The following XPOT variants were observed in gnomAD, a reference collection of about 807,000 sequenced individuals.
XPOT encodes exportin for tRNA, also known as exportin-T.
In XPOT, 34 loss-of-function variants were observed where a neutral mutation model predicts 128.2. The observed-to-expected ratio is 0.27, with a 90% CI of 0.20 to 0.35. The LOEUF is 0.35. Ranked by LOEUF, XPOT falls within the 10% of genes least tolerant of loss-of-function variation. The pLI is 1.00. For synonymous variants in XPOT, 348 were observed against 394.3 expected, an observed-to-expected ratio of 0.88 and a Z score of 1.39; for missense variants, 838 against 1,125.3, an observed-to-expected ratio of 0.74 and a Z score of 3.65.
At chr12:64,429,823 G>A (rs572110446) in intron 16 of XPOT, among the ~76,000 whole-genome samples, 2 of 152,210 alleles carry the variant, frequency 1.3e-5, no homozygotes, top group South Asian at 4.2e-4. Flanking sequence ...TATCTTACAT[G>A]ATCATTTATA....
chr12:64,414,870 T>C, intron 2 of XPOT, 37 bp from the exon 3 acceptor site: 1 of 1,318,852 alleles, frequency 7.6e-7, no homozygotes, highest in Non-Finnish European at 1.1e-6. Flanking sequence ...TGAGATTGTT[T>C]ATTCTAAATG....
chr12:64,426,394 C>T (rs2040193028), intron 15 of XPOT, among the ~76,000 whole-genome samples: 1 of 151,456 alleles, frequency 6.6e-6, no homozygotes, highest in South Asian at 2.1e-4. Flanking sequence ...TTTACAGCAA[C>T]ATGGATGCAG....
chr12:64,404,547 CGCTT>C lies in XPOT; in HGVS notation c.-313_-310del, dbSNP rs568580764. ...CCCTTCCTGGGGCGCCGACCCCGCC[CGCTT>C]GCTTGCTTGCTTGCTTGCCTGCCTG... On this transcript the variant is annotated 5_prime_UTR_variant, in exon 1 of 25. Coordinates refer to ENST00000332707, the MANE Select transcript of XPOT (RefSeq NM_007235.6). 3.2e-4 allele frequency: 50 copies of C among 154,456 alleles called. No homozygotes were observed. Among genetic ancestry groups the C allele is most frequent in the African/African-American group, 6.3e-4 (26 of 41,556 alleles). The allele number at this position is 154,456 out of a possible 1,614,324, so 9.6% of individuals were successfully genotyped here.
intron 22 of XPOT, among the ~76,000 whole-genome samples, chr12:64,437,125 G>A (rs966657518): frequency 7.9e-5 from 12 of 152,264 alleles, no homozygotes; most frequent in African/African-American, 2.9e-4. Flanking sequence ...GATTCTGATA[G>A]AGACTTGAAG....
rs377265811 is a variant in XPOT, at chr12:64,423,130, C to A, written c.1120-52C>A. Reference sequence around the variant, plus strand: ...AATGTAGCTTAATTTCAAATTATATCAAATTAGAAGGAGACTGACAAAAAC... The same window carrying A: ...AATGTAGCTTAATTTCAAATTATATAAAATTAGAAGGAGACTGACAAAAAC... On this transcript the variant is annotated intron_variant, in intron 10 of 24. Coordinates refer to ENST00000332707, the MANE Select transcript of XPOT (RefSeq NM_007235.6). 2.5e-6 allele frequency: 4 copies of A among 1,589,226 alleles called. No individual in the cohort carries two copies. In the African/African-American group the frequency reaches 5.4e-5, roughly 22 times the overall value.
At chr12:64,425,521 T>G in intron 14 of XPOT, 64 bp downstream of exon 14, 4 of 1,564,520 alleles carry the variant, frequency 2.6e-6, no homozygotes, top group Non-Finnish European at 3.5e-6. Context: ...AGTGTAGTAT[T>G]GTATTTTTCT....
At chr12:64,438,413 A>C (rs1214755832) in intron 22 of XPOT, among the ~76,000 whole-genome samples, 3 of 152,176 alleles carry the variant, frequency 2.0e-5, no homozygotes, top group Non-Finnish European at 4.4e-5. Flanking sequence ...GGTAGACATA[A>C]GAAAAAGATG....
chr12:64,435,033 G>A (rs757962360), intron 21 of XPOT, 124 bp downstream of exon 21: 1 of 785,670 alleles, frequency 1.3e-6, no homozygotes, highest in South Asian at 2.1e-5. Context: ...TTCAGATCAG[G>A]GTTCTTTTTT....
At position 64,419,087 on chromosome 12, in the gene XPOT, C is replaced by T. The variant is rs2040115138; in HGVS notation, c.482C>T (p.Thr161Ile). ...TTGGTGGATCGTGATGTGGTGCATA[C>T]ATCAGAGGCAAGTAACTAACCATGA... is the stretch of plus-strand genomic sequence containing the variant. ...SELVDRDVVHTSEEARRNTLI... is the reference protein window; with the variant it reads ...SELVDRDVVHISEEARRNTLI... The change falls in exon 6 of 25, where the codon ACA (threonine) becomes ATA (isoleucine). Residue 161 changes from threonine to isoleucine, a missense_variant. Thr to Ile is a moderately conservative substitution (Grantham distance 89). Around this residue, in one of 3 missense-constraint regions of XPOT, gnomAD observed 761 missense variants for 988.3 expected, o/e 0.77. Coordinates refer to ENST00000332707, the MANE Select transcript of XPOT (RefSeq NM_007235.6). The T allele has an allele frequency of 1.2e-6, 2 of 1,611,974 alleles. No individual in the cohort carries two copies. Among genetic ancestry groups the T allele is most frequent in the Non-Finnish European group, 1.7e-6 (2 of 1,179,142 alleles).
intron 7 of XPOT, 41 bp from the exon 8 acceptor site, chr12:64,420,312 A>G: frequency 1.9e-6 from 3 of 1,601,440 alleles, no homozygotes; most frequent in Non-Finnish European, 2.6e-6. Flanking sequence ...TCTAAAACTC[A>G]TGACTTTGAA....
At chr12:64,421,886 C>T (rs962706906) in intron 9 of XPOT, among the ~76,000 whole-genome samples, 1 of 152,056 alleles carries the variant, frequency 6.6e-6, no homozygotes, top group East Asian at 1.9e-4. Context: ...GATGTCAGCT[C>T]ACCACAACCT....
At chr12:64,422,645 T>A (rs1337332707) in intron 9 of XPOT, among the ~76,000 whole-genome samples, 4 of 152,168 alleles carry the variant, frequency 2.6e-5, no homozygotes, top group Non-Finnish European at 4.4e-5. Flanking sequence ...TCACCTGTAA[T>A]CCCAGCACTT....
At chr12:64,412,591 A>G (rs543719928) in intron 2 of XPOT, among the ~76,000 whole-genome samples, 121 of 152,190 alleles carry the variant, frequency 8.0e-4, no homozygotes, top group Non-Finnish European at 1.4e-3. Flanking sequence ...CTGTGTTCTT[A>G]TAGTCTTAAC....
chr12:64,421,210 A>C, intron 8 of XPOT, 25 bp from the exon 9 acceptor site: 1 of 1,563,664 alleles, frequency 6.4e-7, no homozygotes, highest in Non-Finnish European at 8.8e-7. Context: ...AGTTTTAAAC[A>C]GAGATGTGTC....
Position 64,450,475 on chromosome 12 carries a change from G to A in XPOT, c.*2344G>A, listed in dbSNP as rs546584155. On this transcript the variant is annotated 3_prime_UTR_variant, in exon 25 of 25. Coordinates refer to ENST00000332707, the MANE Select transcript of XPOT (RefSeq NM_007235.6). Reference sequence around the variant, plus strand: ...ATGCTATCAATTCCATATATGGAAAGGTGTTTTCCCTTTCAGAGCTCTTTA... The same window carrying A: ...ATGCTATCAATTCCATATATGGAAAAGTGTTTTCCCTTTCAGAGCTCTTTA... 2 of 152,272 alleles carry A rather than the reference G, an allele frequency of 1.3e-5. No homozygotes were observed. The highest frequency in any genetic ancestry group is 3.9e-4 in the East Asian group (2 of 5,184). The allele number at this position is 152,272 out of a possible 1,614,324, so 9.4% of individuals were successfully genotyped here.
chr12:64,447,368 T>C (rs904853004), intron 24 of XPOT, among the ~76,000 whole-genome samples: 7 of 152,384 alleles, frequency 4.6e-5, no homozygotes, highest in African/African-American at 1.7e-4. Flanking sequence ...CCAACTCCTT[T>C]GTAGTCTCAA....
chr12:64,444,965 C>G, intron 23 of XPOT, 110 bp from the exon 24 acceptor site: 1 of 728,524 alleles, frequency 1.4e-6, no homozygotes, highest in Non-Finnish European at 2.1e-6. Flanking sequence ...AGAGCAAGAC[C>G]ATCTCTTAAA....
intron 9 of XPOT, 100 bp from the exon 10 acceptor site, chr12:64,422,902 CAAA>C (rs201490602): frequency 3.0e-3 from 2,566 of 864,262 alleles, no homozygotes; most frequent in South Asian, 3.9e-3. Context: ...GACCTTGTCT[CAAA>C]AAAAAAAAAA....
At chr12:64,433,146 A>G (rs112102035) in intron 18 of XPOT, among the ~76,000 whole-genome samples, 23 of 152,262 alleles carry the variant, frequency 1.5e-4, no homozygotes, top group African/African-American at 5.3e-4. Context: ...GGGTTTCACC[A>G]TGTTGGGCAG....
Sources: allele counts gnomAD v4.1 joint callset (sites outside exome capture counted in the v4.1 genomes callset), GRCh38; gene constraint gnomAD v4.1.1; regional missense constraint gnomAD v4.1.1; transcripts MANE v1.5; gene names NCBI Gene and HGNC (gene_info 2026-07-23, HGNC 2026-07-21).